Variants in LYST observed in about 807,000 individuals in gnomAD.
LYST encodes lysosomal-trafficking regulator.
A neutral mutation model predicts 413.6 loss-of-function variants in LYST; 192 were observed. That is an observed-to-expected ratio of 0.46 (90% CI 0.41 to 0.52). LYST has a LOEUF of 0.52. Among genes scored for constraint, LYST ranks in the 20% least tolerant of loss-of-function variants. LYST has a pLI of 0.00. For synonymous variants in LYST, 1,525 were observed against 1,567.3 expected (o/e 0.97, Z 0.64); for missense variants, 3,815 against 4,499.9 (o/e 0.85, Z 4.35).
In LYST at chr1:235,674,928, T is replaced by TA. The variant is rs1558104119; in HGVS notation, c.11038+2162dup. 6.6e-6 allele frequency among the ~76,000 whole-genome samples: 1 copy of TA among 152,240 alleles called. No individual in the cohort carries two copies. Among genetic ancestry groups the TA allele is most frequent in the East Asian group, 1.9e-4 (1 of 5,204 alleles). On this transcript the variant is annotated intron_variant, in intron 50 of 52. Coordinates refer to ENST00000389793, the MANE Select transcript of LYST (RefSeq NM_000081.4). This position sits in a 1 kb window ranked among gnomAD's most constrained non-coding sequence, Gnocchi z 4.1. Reference sequence around the variant, plus strand: ...ATTGTTATCAGTGTACTCATTCTTGTAAGTTGCTGCATCATACCTTGTATT... The same window carrying TA: ...ATTGTTATCAGTGTACTCATTCTTGTAAAGTTGCTGCATCATACCTTGTATT...
chr1:235,677,339 G>A (rs886725596), intron 49 of LYST, 141 bp downstream of exon 49: 25 of 1,097,846 alleles, frequency 2.3e-5, no homozygotes, highest in Non-Finnish European at 3.2e-5. Context: ...AAATATAATA[G>A]GTAATCTTAC....
At chr1:235,738,592 T>C (rs1412992615) in intron 31 of LYST, 5 of 1,609,608 alleles carry the variant, frequency 3.1e-6, no homozygotes, top group Non-Finnish European at 4.2e-6. Context: ...GATTCTAGTG[T>C]GCCTGTATGG....
intron 50 of LYST, among the ~76,000 whole-genome samples, chr1:235,676,304 G>A (rs1478443557): frequency 2.0e-5 from 3 of 152,100 alleles, no homozygotes; most frequent in African/African-American, 7.2e-5. Context: ...AAATTTACGG[G>A]AGGCCAATGT....
intron 16 of LYST, 76 bp downstream of exon 16, chr1:235,780,789 T>C: frequency 3.9e-6 from 2 of 519,098 alleles, no homozygotes; most frequent in Non-Finnish European, 6.5e-6. Flanking sequence ...AGAAATCTAA[T>C]TCATAACTAT....
intron 12 of LYST, among the ~76,000 whole-genome samples, chr1:235,790,690 T>C (rs1445902373): frequency 1.3e-5 from 2 of 152,210 alleles, no homozygotes; most frequent in Non-Finnish European, 2.9e-5. Flanking sequence ...GCCCTAAGAA[T>C]TATCCTACCT....
intron 50 of LYST, among the ~76,000 whole-genome samples, chr1:235,670,284 AGCT>A (rs1345326721): frequency 1.3e-5 from 2 of 152,236 alleles, no homozygotes; most frequent in Non-Finnish European, 2.9e-5. Flanking sequence ...CAGTAACAGG[AGCT>A]GCGTTAGGGA....
At chr1:235,716,377 T>A (rs1026507254) in intron 41 of LYST, among the ~76,000 whole-genome samples, 3 of 152,192 alleles carry the variant, frequency 2.0e-5, no homozygotes, top group Non-Finnish European at 1.5e-5. Flanking sequence ...ATTAACACTA[T>A]TACATAAATA....
chr1:235,845,644 G>GA lies in LYST; in HGVS notation c.-97-11978_-97-11977insT, dbSNP rs916199171. Among the ~76,000 whole-genome samples the GA allele has an allele frequency of 2.6e-4, 40 of 152,002 alleles. 1 individual carries two copies. The East Asian group carries it at 5.8e-3, about 22-fold the overall frequency. On this transcript the variant is annotated intron_variant, in intron 1 of 52. Coordinates refer to ENST00000389793, the MANE Select transcript of LYST (RefSeq NM_000081.4). ...CTGGAAACAGACTCCCGGCAGTTAGGGGGGACACGGTGGGAGTGAGAGTGG... is the reference window on the plus strand; with the variant it reads ...CTGGAAACAGACTCCCGGCAGTTAGGAGGGGACACGGTGGGAGTGAGAGTGG...
intron 1 of LYST, among the ~76,000 whole-genome samples, chr1:235,846,407 C>G (rs1408564904): frequency 6.6e-6 from 1 of 152,132 alleles, no homozygotes; most frequent in Non-Finnish European, 1.5e-5. Flanking sequence ...TCTGACAGAG[C>G]CTACCCAAAT....
upstream of LYST, among the ~76,000 whole-genome samples, chr1:235,870,115 C>T (rs948862706): frequency 1.2e-4 from 18 of 152,190 alleles, no homozygotes; most frequent in Admixed American, 8.5e-4. Flanking sequence ...TTCCCTAAAA[C>T]AATAGTATTA....
At chr1:235,728,154 A>G in intron 37 of LYST, 23 bp from the exon 38 acceptor site, 1 of 1,571,374 alleles carries the variant, frequency 6.4e-7, no homozygotes, top group Non-Finnish European at 8.8e-7. Context: ...ATTGGATATA[A>G]GGGTTTTAAA....
At chr1:235,663,336 A>G (rs1199851742) in intron 52 of LYST, among the ~76,000 whole-genome samples, 3 of 152,162 alleles carry the variant, frequency 2.0e-5, no homozygotes, top group Non-Finnish European at 2.9e-5. Flanking sequence ...TATTCTTTGC[A>G]TATCTTCTTT....
intron 18 of LYST, among the ~76,000 whole-genome samples, chr1:235,774,596 G>A (rs956976773): frequency 3.3e-5 from 5 of 152,140 alleles, no homozygotes; most frequent in African/African-American, 9.7e-5. Context: ...ATAAGGGTGG[G>A]AGCTAAAGCA....
rs1672092568 is a variant in LYST, at chr1:235,800,495, A to G, written c.3940-109T>C. ...TAGGGTATCTACTATATATGTATAT[A>G]TGTATTTAAAAATGACTAAAAAGAC... On this transcript the variant is annotated intron_variant, in intron 9 of 52. Coordinates refer to ENST00000389793, the MANE Select transcript of LYST (RefSeq NM_000081.4). 19 of 673,188 alleles carry G rather than the reference A, an allele frequency of 2.8e-5. No individual in the cohort carries two copies. The South Asian group carries it at 3.1e-4, about 11-fold the overall frequency. 41.7% of individuals were successfully genotyped at this position (673,188 alleles called of 1,614,324 possible). A position where few individuals can be genotyped will look rare whatever the true frequency, so the allele number is the denominator to read the frequency against.
Position 235,671,569 on chromosome 1 carries a change from G to T in LYST, c.11038+5522C>A, listed in dbSNP as rs1658946114. Among the ~76,000 whole-genome samples, 3 of 152,228 alleles carry T rather than the reference G, an allele frequency of 2.0e-5. No individual in the cohort carries two copies. The South Asian group carries it at 6.2e-4, about 32-fold the overall frequency. On this transcript the variant is annotated intron_variant, in intron 50 of 52. Transcript: ENST00000389793. Reference sequence around the variant, plus strand: ...GTTTGAAGAGATAACATATGCAGAGGCCCCAGTGAGGTAAGCATATGAGCC... The same window carrying T: ...GTTTGAAGAGATAACATATGCAGAGTCCCCAGTGAGGTAAGCATATGAGCC...
At chr1:235,717,181 G>A (rs569932186) in intron 40 of LYST, among the ~76,000 whole-genome samples, 21 of 152,052 alleles carry the variant, frequency 1.4e-4, no homozygotes, top group Non-Finnish European at 2.9e-4. Context: ...TAGAATGAAG[G>A]GCAGTTTCGA....
At chr1:235,842,776 T>C (rs1367350526) in intron 1 of LYST, among the ~76,000 whole-genome samples, 2 of 152,342 alleles carry the variant, frequency 1.3e-5, no homozygotes, top group South Asian at 2.1e-4. Context: ...TCTGCTTTCA[T>C]TGAATGAGAC....
chr1:235,738,738 T>A, intron 31 of LYST: 1 of 1,449,988 alleles, frequency 6.9e-7, no homozygotes, highest in Non-Finnish European at 9.7e-7. Flanking sequence ...ACTCAAAGGC[T>A]ACACATCCTG....
intron 44 of LYST, among the ~76,000 whole-genome samples, chr1:235,703,926 A>G (rs893846715): frequency 1.1e-5 from 1 of 92,052 alleles, no homozygotes; most frequent in Non-Finnish European, 2.1e-5. Flanking sequence ...TCACCCTAAA[A>G]TAGGCACCAG....
Sources: gnomAD v4.1 joint callset for allele counts (sites outside exome capture counted in the v4.1 genomes callset) on GRCh38, gnomAD v4.1.1 for gene constraint, Gnocchi (gnomAD v3.1) non-coding constraint, MANE v1.5 for transcripts, NCBI Gene and HGNC (gene_info 2026-07-23, HGNC 2026-07-21) for gene names.